SLC24A2: variants seen among roughly 807,000 people sequenced by gnomAD.
SLC24A2 encodes sodium/potassium/calcium exchanger 2.
Under a neutral mutation model 62.0 loss-of-function variants are expected in SLC24A2, and 36 were observed. That is an observed-to-expected ratio of 0.58 (90% CI 0.44 to 0.77). The LOEUF (loss-of-function observed/expected upper bound fraction) is 0.77, where lower values mean the gene tolerates loss of function less well. SLC24A2 is among the 30% of genes least tolerant of loss of function. SLC24A2 has a pLI of 0.00. For missense variants in SLC24A2, 846 were observed against 817.9 expected (o/e 1.03, Z -0.42); for synonymous variants, 358 against 294.0 (o/e 1.22, Z -2.23).
chr9:20,168,984 T>C, the SLC24A2 span, among the ~76,000 whole-genome samples: 1 of 151,980 alleles, frequency 6.6e-6, no homozygotes, highest in African/African-American at 2.4e-5. Context: ...ATAAACCAAG[T>C]GTGGTATATA....
At chr9:19,708,812 A>G (rs1161675228) in intron 2 of SLC24A2, among the ~76,000 whole-genome samples, 1 of 152,174 alleles carries the variant, frequency 6.6e-6, no homozygotes, top group Non-Finnish European at 1.5e-5. Context: ...CCTAGAAGAA[A>G]ACCTAGGCAA....
chr9:19,673,938 G>C (rs1049604764), intron 2 of SLC24A2, among the ~76,000 whole-genome samples: 3 of 152,040 alleles, frequency 2.0e-5, no homozygotes, highest in Non-Finnish European at 2.9e-5. Flanking sequence ...TTGTTTATTT[G>C]TTTATTTATT....
chr9:19,678,915 A>G (rs1223197664), intron 2 of SLC24A2, among the ~76,000 whole-genome samples: 2 of 152,378 alleles, frequency 1.3e-5, no homozygotes, highest in African/African-American at 4.8e-5. Context: ...GAAAAATAAT[A>G]TATTTCAGTC....
intron 2 of SLC24A2, among the ~76,000 whole-genome samples, chr9:19,706,729 C>G (rs1433539794): frequency 1.3e-5 from 2 of 152,108 alleles, no homozygotes; most frequent in Admixed American, 6.5e-5. Flanking sequence ...CACAACATAC[C>G]AGAACCTCTG....
the SLC24A2 span, among the ~76,000 whole-genome samples, chr9:20,078,421 A>C: frequency 1.3e-5 from 2 of 151,558 alleles, no homozygotes; most frequent in African/African-American, 4.9e-5. Context: ...AGTGGTCAGC[A>C]TAGGTTTCTG....
chr9:19,702,415 CACAA>C (rs1820382490), intron 2 of SLC24A2, among the ~76,000 whole-genome samples: 2 of 152,316 alleles, frequency 1.3e-5, no homozygotes, highest in South Asian at 4.1e-4. Flanking sequence ...CTAACTTCAT[CACAA>C]ACAAATGATC....
the SLC24A2 span, among the ~76,000 whole-genome samples, chr9:20,263,871 C>A: frequency 8.1e-5 from 10 of 123,178 alleles, no homozygotes; most frequent in Non-Finnish European, 1.7e-4. Flanking sequence ...GCCCCCCCCC[C>A]CCCATTAAGG....
chr9:19,738,264 A>T (rs985605334), intron 2 of SLC24A2, among the ~76,000 whole-genome samples: 2 of 152,212 alleles, frequency 1.3e-5, no homozygotes, highest in African/African-American at 2.4e-5. Flanking sequence ...AGCACAACTT[A>T]TAAACTTTCA....
intron 2 of SLC24A2, among the ~76,000 whole-genome samples, chr9:19,640,663 A>C (rs1420267697): frequency 1.3e-5 from 2 of 152,236 alleles, no homozygotes; most frequent in African/African-American, 4.8e-5. Flanking sequence ...ACAAAATGTC[A>C]AGATTTTAAG....
At chr9:19,861,258 T>C in the SLC24A2 span, among the ~76,000 whole-genome samples, 5 of 152,112 alleles carry the variant, frequency 3.3e-5, no homozygotes, top group African/African-American at 1.2e-4. Context: ...TTCCATTTGT[T>C]TGGGAAAAAG....
chr9:19,850,719 AGT>A, the SLC24A2 span, among the ~76,000 whole-genome samples: 1 of 151,770 alleles, frequency 6.6e-6, no homozygotes, highest in East Asian at 1.9e-4. Context: ...TACAATATGT[AGT>A]GTTTTATATC....
At chr9:19,614,466 G>A (rs978819897) in intron 4 of SLC24A2, among the ~76,000 whole-genome samples, 14 of 152,160 alleles carry the variant, frequency 9.2e-5, no homozygotes, top group African/African-American at 3.1e-4. Flanking sequence ...ACAATGAACA[G>A]TGGAACCAAT....
the SLC24A2 span, among the ~76,000 whole-genome samples, chr9:20,009,630 G>A: frequency 1.3e-5 from 2 of 152,126 alleles, no homozygotes; most frequent in Non-Finnish European, 2.9e-5. Flanking sequence ...GGCAACTGTA[G>A]GTCAGTAATG....
the SLC24A2 span, among the ~76,000 whole-genome samples, chr9:20,071,489 G>A: frequency 3.5e-4 from 53 of 152,308 alleles, 2 homozygotes; most frequent in African/African-American, 1.2e-3. Context: ...CAATGGATGT[G>A]CCTCTTTGAA....
the SLC24A2 span, among the ~76,000 whole-genome samples, chr9:19,806,461 A>T: frequency 6.6e-6 from 1 of 152,194 alleles, no homozygotes; most frequent in African/African-American, 2.4e-5. Flanking sequence ...GAAGCTTAAG[A>T]AAACGTCACC....
Position 19,528,114 on chromosome 9 carries a change from T to C in SLC24A2, c.1504A>G (p.Thr502Ala). Residue 502 changes from threonine to alanine, a missense_variant, in exon 9 of 11, where the codon ACG becomes GCG. Coordinates refer to ENST00000341998, the MANE Select transcript of SLC24A2 (RefSeq NM_020344.4). ...ATCCAGGTAATGGAGCCAAAGAACG[T>C]GATGGGAAAAAACTTCCTCGATGAC... ...KPSSRKFFPI[T>A]FFGSITWIAV... 1 of 1,594,346 alleles carries C rather than the reference T, an allele frequency of 6.3e-7. No homozygotes were observed. Among genetic ancestry groups the C allele is most frequent in the East Asian group, 2.2e-5 (1 of 44,484 alleles).
intron 2 of SLC24A2, among the ~76,000 whole-genome samples, chr9:19,703,877 T>A (rs922866943): frequency 6.6e-6 from 1 of 152,196 alleles, no homozygotes; most frequent in African/African-American, 2.4e-5. Context: ...AAATAAATTA[T>A]TTCCTTCAAA....
chr9:20,264,325 T>C, the SLC24A2 span, among the ~76,000 whole-genome samples: 1 of 152,214 alleles, frequency 6.6e-6, no homozygotes, highest in African/African-American at 2.4e-5. Flanking sequence ...AACAAAGTAA[T>C]CCCCTTTTCT....
At chr9:20,092,718 A>T in the SLC24A2 span, among the ~76,000 whole-genome samples, 1 of 152,210 alleles carries the variant, frequency 6.6e-6, no homozygotes, top group African/African-American at 2.4e-5. Flanking sequence ...ACCCATAGTT[A>T]CCATTTGTGT....
Sources: gnomAD v4.1 joint callset for allele counts (sites outside exome capture counted in the v4.1 genomes callset) on GRCh38, gnomAD v4.1.1 for gene constraint, MANE v1.5 for transcripts, NCBI Gene and HGNC (gene_info 2026-07-23, HGNC 2026-07-21) for gene names.